Variants in MYRIP observed in about 807,000 individuals in gnomAD.
MYRIP encodes the protein myosin VIIA and Rab interacting protein, also known as rab effector MyRIP.
In MYRIP, 49 loss-of-function variants were observed where a neutral mutation model predicts 98.0. The observed-to-expected ratio is 0.50, with a 90% CI of 0.40 to 0.63. The LOEUF is 0.63. MYRIP is among the 30% of genes least tolerant of loss of function. The pLI, the probability that MYRIP is intolerant of heterozygous loss-of-function variation, is 0.00. For missense variants in MYRIP, 1,004 were observed against 1,058.2 expected (o/e 0.95, Z 0.71); for synonymous variants, 404 against 409.5 (o/e 0.99, Z 0.16).
intron 2 of MYRIP, among the ~76,000 whole-genome samples, chr3:39,962,444 T>C (rs1296915938): frequency 1.5e-5 from 2 of 130,912 alleles, no homozygotes; most frequent in African/African-American, 3.4e-5. Flanking sequence ...CTACATGGTC[T>C]CTGGGCTAGT....
chr3:39,882,864 C>G (rs558564692), intron 1 of MYRIP, among the ~76,000 whole-genome samples: 26 of 152,160 alleles, frequency 1.7e-4, no homozygotes, highest in African/African-American at 6.3e-4. Flanking sequence ...ACCTGCCCCC[C>G]CTCCGCATTA....
intron 3 of MYRIP, among the ~76,000 whole-genome samples, chr3:40,089,284 T>C (rs2125880818): frequency 6.6e-6 from 1 of 152,364 alleles, no homozygotes; most frequent in Admixed American, 6.5e-5. Flanking sequence ...ATTCAGTCTT[T>C]CCTTACTAAG....
At chr3:40,084,293 A>G (rs1023853161) in intron 3 of MYRIP, among the ~76,000 whole-genome samples, 1 of 49,260 alleles carries the variant, frequency 2.0e-5, no homozygotes, top group Non-Finnish European at 4.2e-5. Flanking sequence ...TTATATATCG[A>G]TATATAATAC....
intron 3 of MYRIP, among the ~76,000 whole-genome samples, chr3:40,060,781 C>CG (rs1947996256): frequency 6.6e-6 from 1 of 151,882 alleles, no homozygotes; most frequent in African/African-American, 2.4e-5. Context: ...TTAGTAGAGA[C>CG]GGGGTTTCAT....
chr3:40,224,773 TCTC>T (rs1952441765), intron 11 of MYRIP, among the ~76,000 whole-genome samples: 2 of 152,224 alleles, frequency 1.3e-5, no homozygotes. Flanking sequence ...AGAGGTCAGT[TCTC>T]CTCTAATCTC....
intron 1 of MYRIP, among the ~76,000 whole-genome samples, chr3:39,880,243 C>T (rs1240022649): frequency 6.6e-6 from 1 of 152,154 alleles, no homozygotes; most frequent in African/African-American, 2.4e-5. Context: ...TATTTGTCAT[C>T]TTTTGGCTTC....
chr3:39,962,866 T>C (rs1945356756), intron 2 of MYRIP, among the ~76,000 whole-genome samples: 1 of 152,152 alleles, frequency 6.6e-6, no homozygotes, highest in South Asian at 2.1e-4. Context: ...AAGATTCACT[T>C]GACTTGCAGA....
intron 2 of MYRIP, among the ~76,000 whole-genome samples, chr3:39,966,431 A>G (rs1278103011): frequency 6.6e-6 from 1 of 152,210 alleles, no homozygotes; most frequent in African/African-American, 2.4e-5. Context: ...AGTTTCTTAA[A>G]GGCACAGATT....
At chr3:39,815,284 G>T (rs186008530) in intron 1 of MYRIP, among the ~76,000 whole-genome samples, 31 of 152,228 alleles carry the variant, frequency 2.0e-4, no homozygotes, top group Admixed American at 7.8e-4. Context: ...CAATAATACA[G>T]TATGTGGCAT....
intron 1 of MYRIP, among the ~76,000 whole-genome samples, chr3:39,844,363 A>T (rs973983649): frequency 6.6e-6 from 1 of 152,214 alleles, no homozygotes; most frequent in Non-Finnish European, 1.5e-5. Flanking sequence ...ACAGCTGCCC[A>T]ATTCTGGTTG....
chr3:40,195,697 GTT>G (rs34213599), intron 10 of MYRIP, among the ~76,000 whole-genome samples: 3 of 150,074 alleles, frequency 2.0e-5, no homozygotes, highest in Non-Finnish European at 2.9e-5. Flanking sequence ...CTTGATTATG[GTT>G]TTTTTTTAAT....
In MYRIP at chr3:40,233,848, G is replaced by A. The variant is rs377066196; in HGVS notation, c.1906-11G>A. The A allele has an allele frequency of 6.5e-5, 104 of 1,608,354 alleles. No individual in the cohort carries two copies. The East Asian group carries it at 8.5e-4, about 13-fold the overall frequency. On this transcript the variant is annotated splice_polypyrimidine_tract_variant and intron_variant, in intron 11 of 16. Coordinates refer to ENST00000302541, the MANE Select transcript of MYRIP (RefSeq NM_015460.4). The stretch of plus-strand genomic sequence containing the variant: ...TTGTCTTCTGTCCCCTTCTGTTATC[G>A]GACCAAACAGAAGTTTTCTGCTGTT...
intron 3 of MYRIP, among the ~76,000 whole-genome samples, chr3:40,074,761 TAAAACTC>T (rs1948307107): frequency 6.6e-6 from 1 of 152,096 alleles, no homozygotes; most frequent in Non-Finnish European, 1.5e-5. Flanking sequence ...AAAGAACTCT[TAAAACTC>T]AACCATAAGA....
chr3:40,034,415 T>C (rs1489657486), intron 2 of MYRIP, among the ~76,000 whole-genome samples: 1 of 152,004 alleles, frequency 6.6e-6, no homozygotes, highest in Non-Finnish European at 1.5e-5. Context: ...GGGCGAAGGA[T>C]ATGAACAGAC....
chr3:39,830,358 C>A (rs1941403502), intron 1 of MYRIP, among the ~76,000 whole-genome samples: 1 of 152,204 alleles, frequency 6.6e-6, no homozygotes, highest in Non-Finnish European at 1.5e-5. Context: ...GACCATGAAC[C>A]TCAGGTGGAT....
chr3:40,163,178 C>T (rs1275999018), intron 5 of MYRIP, among the ~76,000 whole-genome samples: 1 of 152,118 alleles, frequency 6.6e-6, no homozygotes, highest in Non-Finnish European at 1.5e-5. Flanking sequence ...CTTTTTTATA[C>T]CAATATAATT....
intron 3 of MYRIP, among the ~76,000 whole-genome samples, chr3:40,056,873 T>G (rs1286796809): frequency 1.3e-5 from 2 of 152,184 alleles, no homozygotes; most frequent in Admixed American, 6.5e-5. Flanking sequence ...AATTAAATAC[T>G]TGAATTGAAA....
chr3:40,075,742 G>A (rs1575516997), intron 3 of MYRIP, among the ~76,000 whole-genome samples: 1 of 152,132 alleles, frequency 6.6e-6, no homozygotes. Flanking sequence ...TAGAAGAAAG[G>A]GGGTGGAGTA....
chr3:40,029,502 T>C (rs986185892), intron 2 of MYRIP, among the ~76,000 whole-genome samples: 1 of 152,168 alleles, frequency 6.6e-6, no homozygotes, highest in Non-Finnish European at 1.5e-5. Flanking sequence ...AGATTCTGGA[T>C]TGTCATGAAC....
Sources: gnomAD v4.1 joint callset for allele counts (sites outside exome capture counted in the v4.1 genomes callset) on GRCh38, gnomAD v4.1.1 for gene constraint, MANE v1.5 for transcripts, NCBI Gene and HGNC (gene_info 2026-07-23, HGNC 2026-07-21) for gene names.